Variants in ADAM10 observed in about 807,000 individuals in gnomAD.
ADAM10 encodes the protein ADAM metallopeptidase domain 10.
Under a neutral mutation model 90.1 loss-of-function variants are expected in ADAM10, and 17 were observed. The observed-to-expected ratio is 0.19, with a 90% CI of 0.13 to 0.28. The LOEUF (loss-of-function observed/expected upper bound fraction) is 0.28, where lower values mean the gene tolerates loss of function less well. Among genes scored for constraint, ADAM10 ranks in the 10% least tolerant of loss-of-function variants. The pLI is 1.00. For synonymous variants in ADAM10, 310 were observed against 298.6 expected, an observed-to-expected ratio of 1.04 and a Z score of -0.40; for missense variants, 610 against 914.3, an observed-to-expected ratio of 0.67 and a Z score of 4.29.
chr15:58,696,965 G>A (rs1268638502), intron 2 of ADAM10, among the ~76,000 whole-genome samples: 2 of 152,070 alleles, frequency 1.3e-5, no homozygotes, highest in African/African-American at 4.8e-5. Flanking sequence ...CATATCCCTG[G>A]AGTCCACTTA....
chr15:58,609,461 C>T (rs1029670950), intron 14 of ADAM10: 14 of 152,098 alleles, frequency 9.2e-5, no homozygotes, highest in African/African-American at 3.1e-4. Flanking sequence ...AGGCTGACAT[C>T]CCACACAAAC....
chr15:58,689,952 C>CCAAA (rs1555418398), intron 2 of ADAM10, among the ~76,000 whole-genome samples: 35 of 108,920 alleles, frequency 3.2e-4, no homozygotes, highest in Admixed American at 5.8e-4. Flanking sequence ...AGACCCCCCC[C>CCAAA]AAAAAAAAAA....
At position 58,703,347 on chromosome 15, in the gene ADAM10, T is replaced by C. The variant is rs79897419; in HGVS notation, c.206+14230A>G. On this transcript the variant is annotated intron_variant, in intron 2 of 15. Coordinates refer to ENST00000260408, the MANE Select transcript of ADAM10 (RefSeq NM_001110.4). ...TACCATATGATCCAACAATTCCACT[T>C]GTAGGTATATACCCAAAGAAACTGA... 6.3e-3 allele frequency among the ~76,000 whole-genome samples: 948 copies of C among 149,608 alleles called. 18 individuals carry two copies. The highest frequency in any genetic ancestry group is 0.022 in the African/African-American group (903 of 40,880).
At chr15:58,692,859 A>T (rs1372535997) in intron 2 of ADAM10, 1 of 670,070 alleles carries the variant, frequency 1.5e-6, no homozygotes, top group Non-Finnish European at 2.8e-6. Flanking sequence ...AAGCCTCCAT[A>T]AATGCTTCAG....
intron 1 of ADAM10, among the ~76,000 whole-genome samples, chr15:58,746,485 G>T (rs1234571260): frequency 2.6e-5 from 4 of 152,054 alleles, no homozygotes; most frequent in Non-Finnish European, 2.9e-5. Context: ...ACATAGGATG[G>T]GACTGTGCCG....
intron 5 of ADAM10, chr15:58,655,189 C>T (rs1192637864): frequency 6.6e-6 from 1 of 152,086 alleles, no homozygotes; most frequent in Non-Finnish European, 1.5e-5. Context: ...GTGTTGGGTG[C>T]ATATACGTAT....
At chr15:58,749,342 G>A in intron 1 of ADAM10, 138 bp downstream of exon 1, 4 of 1,129,108 alleles carry the variant, frequency 3.5e-6, no homozygotes, top group Non-Finnish European at 4.4e-6. Flanking sequence ...GGAGCGGGGA[G>A]CGCGGCCCGC....
At chr15:58,701,835 G>A (rs1183717427) in intron 2 of ADAM10, among the ~76,000 whole-genome samples, 1 of 152,188 alleles carries the variant, frequency 6.6e-6, no homozygotes, top group Non-Finnish European at 1.5e-5. Context: ...GCCCGGAGCA[G>A]TGACTCACGC....
At chr15:58,640,110 C>G (rs574563178) in intron 8 of ADAM10, among the ~76,000 whole-genome samples, 1 of 152,276 alleles carries the variant, frequency 6.6e-6, no homozygotes, top group East Asian at 1.9e-4. Context: ...CACTCCACCC[C>G]CACTGTAATG....
chr15:58,738,445 T>G (rs757823212), intron 1 of ADAM10, among the ~76,000 whole-genome samples: 4 of 152,224 alleles, frequency 2.6e-5, no homozygotes, highest in Admixed American at 6.5e-5. Context: ...AATTCAAACT[T>G]AAGCCAGTAC....
Position 58,597,585 on chromosome 15 carries a change from G to T in ADAM10, c.2209C>A (p.Pro737Thr). The change falls in exon 16 of 16, where the codon CCC becomes ACC. Residue 737 changes from proline (P) to threonine (T), a missense_variant. Pro to Thr is a conservative substitution (Grantham distance 38). Transcript: ENST00000260408. Reference protein sequence around the residue: ...QPIQQPQRQRPRESYQMGHMR... With the variant: ...QPIQQPQRQRTRESYQMGHMR... Reference sequence around the variant, plus strand: ...TGTCCCATTTGATAACTCTCTCGGGGCCGCTGACGCTGGGGTTGCTGAATG... The same window carrying T: ...TGTCCCATTTGATAACTCTCTCGGGTCCGCTGACGCTGGGGTTGCTGAATG... The T allele has an allele frequency of 1.2e-6, 2 of 1,614,136 alleles. No individual in the cohort carries two copies. The highest frequency in any genetic ancestry group is 1.7e-6 in the Non-Finnish European group (2 of 1,180,006).
chr15:58,738,117 G>C (rs533102302), intron 1 of ADAM10, among the ~76,000 whole-genome samples: 1 of 152,296 alleles, frequency 6.6e-6, no homozygotes, highest in African/African-American at 2.4e-5. Context: ...AAAATTACTT[G>C]TAATCAACTT....
At chr15:58,692,504 C>G (rs1264994612) in intron 2 of ADAM10, 1 of 517,078 alleles carries the variant, frequency 1.9e-6, no homozygotes, top group Admixed American at 2.2e-5. Flanking sequence ...TCTTTCTCAC[C>G]TTTCTCTTCC....
intron 2 of ADAM10, among the ~76,000 whole-genome samples, chr15:58,687,531 T>C (rs973913853): frequency 2.0e-5 from 3 of 152,080 alleles, no homozygotes; most frequent in Non-Finnish European, 4.4e-5. Flanking sequence ...TATTTGTGTT[T>C]GTAACAGTCT....
chr15:58,692,840 A>G (rs1897865348), intron 2 of ADAM10: 1 of 657,612 alleles, frequency 1.5e-6, no homozygotes, highest in Non-Finnish European at 2.9e-6. Context: ...ATTTCTGCAC[A>G]AGACTGAAAA....
chr15:58,726,382 T>C (rs768497783), intron 1 of ADAM10, among the ~76,000 whole-genome samples: 1 of 151,340 alleles, frequency 6.6e-6, no homozygotes, highest in Non-Finnish European at 1.5e-5. Flanking sequence ...CTGGCCAACA[T>C]GGTGAAACCC....
chr15:58,611,781 T>G, intron 12 of ADAM10, 27 bp downstream of exon 12: 2 of 1,607,818 alleles, frequency 1.2e-6, no homozygotes, highest in South Asian at 2.2e-5. Context: ...TAAAATTAAA[T>G]TTTAAAACAT....
At chr15:58,692,411 T>C in intron 2 of ADAM10, 1 of 565,206 alleles carries the variant, frequency 1.8e-6, no homozygotes. Flanking sequence ...GTTTTCTTCT[T>C]ATTATTCTTA....
chr15:58,700,134 T>TA (rs1418473617), intron 2 of ADAM10, among the ~76,000 whole-genome samples: 2 of 152,184 alleles, frequency 1.3e-5, no homozygotes, highest in African/African-American at 2.4e-5. Context: ...TCAACTGCAA[T>TA]ACCATAATAG....
Sources: gnomAD v4.1 joint callset for allele counts (sites outside exome capture counted in the v4.1 genomes callset) on GRCh38, gnomAD v4.1.1 for gene constraint, MANE v1.5 for transcripts, NCBI Gene and HGNC (gene_info 2026-07-23, HGNC 2026-07-21) for gene names.